Variants in CERS6 observed in about 807,000 individuals in gnomAD.
CERS6 encodes ceramide synthase 6.
In CERS6, 26 loss-of-function variants were observed where a neutral mutation model predicts 56.8. The observed-to-expected ratio is 0.46, with a 90% confidence interval of 0.34 to 0.63. The LOEUF (loss-of-function observed/expected upper bound fraction) is 0.63, where lower values mean the gene tolerates loss of function less well. CERS6 is among the 30% of genes least tolerant of loss of function. CERS6 has a pLI of 0.01. For synonymous variants in CERS6, 164 were observed against 173.3 expected, an observed-to-expected ratio of 0.95 and a Z score of 0.42; for missense variants, 415 against 467.5, an observed-to-expected ratio of 0.89 and a Z score of 1.04.
At chr2:168,582,489 G>T (rs1419922314) in intron 3 of CERS6, among the ~76,000 whole-genome samples, 1 of 151,982 alleles carries the variant, frequency 6.6e-6, no homozygotes, top group African/African-American at 2.4e-5. Flanking sequence ...AGAGCAAGGG[G>T]TTTGTCTGAC....
intron 3 of CERS6, among the ~76,000 whole-genome samples, chr2:168,565,580 T>A (rs1422074717): frequency 6.6e-6 from 1 of 152,256 alleles, no homozygotes; most frequent in East Asian, 1.9e-4. Flanking sequence ...TAATTGTATT[T>A]CATCTTTCAG....
intron 8 of CERS6, among the ~76,000 whole-genome samples, chr2:168,731,177 TAATTA>T (rs953114061): frequency 6.6e-6 from 1 of 152,180 alleles, no homozygotes; most frequent in African/African-American, 2.4e-5. Flanking sequence ...TGGTGTATGC[TAATTA>T]AATAGGGAAA....
intron 8 of CERS6, among the ~76,000 whole-genome samples, chr2:168,737,678 T>C (rs923448938): frequency 2.0e-5 from 3 of 152,222 alleles, no homozygotes; most frequent in Non-Finnish European, 4.4e-5. Context: ...TAAAGAAATA[T>C]AATGTGCATC....
intron 4 of CERS6, among the ~76,000 whole-genome samples, chr2:168,643,740 T>C (rs79402784): frequency 0.015 from 2,217 of 152,306 alleles, 40 homozygotes; most frequent in African/African-American, 0.04. Context: ...ATCTTCAAAA[T>C]CTATCACTCT....
At chr2:168,747,789 C>T (rs904613789) in intron 8 of CERS6, among the ~76,000 whole-genome samples, 4 of 151,792 alleles carry the variant, frequency 2.6e-5, no homozygotes, top group Admixed American at 6.6e-5. Flanking sequence ...TTGCACTCAC[C>T]GTTAGCCCTT....
At chr2:168,528,154 G>A (rs1156829246) in intron 1 of CERS6, among the ~76,000 whole-genome samples, 4 of 152,138 alleles carry the variant, frequency 2.6e-5, no homozygotes, top group Non-Finnish European at 4.4e-5. Flanking sequence ...TTAATTTTGA[G>A]GGACACATTC....
intron 1 of CERS6, among the ~76,000 whole-genome samples, chr2:168,519,565 G>T (rs138595294): frequency 6.6e-6 from 1 of 152,016 alleles, no homozygotes; most frequent in African/African-American, 2.4e-5. Context: ...TATGGTTCCC[G>T]TCTTTGTGTT....
chr2:168,766,846 T>G (rs73030438), intron 9 of CERS6, among the ~76,000 whole-genome samples: 1,884 of 152,318 alleles, frequency 0.012, 16 homozygotes, highest in African/African-American at 0.022. Flanking sequence ...GCAGGGGAAG[T>G]CGGGGCATCT....
At chr2:168,739,891 G>A (rs1683841852) in intron 8 of CERS6, among the ~76,000 whole-genome samples, 1 of 151,930 alleles carries the variant, frequency 6.6e-6, no homozygotes, top group Admixed American at 6.6e-5. Flanking sequence ...TGTATTTTTA[G>A]TAGAGATGGG....
At chr2:168,702,483 T>C (rs377377107) in intron 6 of CERS6, among the ~76,000 whole-genome samples, 3 of 152,202 alleles carry the variant, frequency 2.0e-5, no homozygotes, top group Admixed American at 6.5e-5. Context: ...AAGCAAAAAT[T>C]AGATTTTTGG....
Position 168,456,658 on chromosome 2 carries a change from A to ACACACACGCGCG in CERS6, c.170+48_170+59dup. The stretch of plus-strand genomic sequence containing the variant: ...AGCCCCTCCTCCCCTCCCCCTGCGC[A>ACACACACGCGCG]CACACACGCGCGCACACACTCGCGC... On this transcript the variant is annotated intron_variant, in intron 1 of 9. Transcript: ENST00000305747. This position sits in a 1 kb window ranked among gnomAD's most constrained non-coding sequence, Gnocchi z 4.1. The ACACACACGCGCG allele has an allele frequency of 6.4e-7, 1 of 1,570,212 alleles. No homozygotes were observed. The highest frequency in any genetic ancestry group is 8.7e-7 in the Non-Finnish European group (1 of 1,153,188).
intron 4 of CERS6, among the ~76,000 whole-genome samples, chr2:168,654,004 A>T (rs1685407903): frequency 6.6e-6 from 1 of 152,182 alleles, no homozygotes; most frequent in African/African-American, 2.4e-5. Flanking sequence ...ATGAATTTCA[A>T]AGTTGAAACT....
chr2:168,508,839 A>G lies in CERS6; in HGVS notation c.171-38757A>G, dbSNP rs1694727579. ...ACAAACCTGCACGTTCTGCACCTGT[A>G]TCCCAGAACTTAAAGTATAATAAAA... On this transcript the variant is annotated intron_variant, in intron 1 of 9. Coordinates refer to ENST00000305747, the MANE Select transcript of CERS6 (RefSeq NM_203463.3). Among the ~76,000 whole-genome samples, 13 of 152,320 alleles carry G rather than the reference A, an allele frequency of 8.5e-5. No homozygotes were observed. In the South Asian group the frequency reaches 2.7e-3, roughly 32 times the overall value.
At chr2:168,689,256 G>A (rs1333067506) in intron 4 of CERS6, among the ~76,000 whole-genome samples, 3 of 152,126 alleles carry the variant, frequency 2.0e-5, no homozygotes, top group African/African-American at 7.2e-5. Flanking sequence ...TTCAGTTGAG[G>A]AGATAATCAA....
intron 8 of CERS6, among the ~76,000 whole-genome samples, chr2:168,752,274 A>G (rs1574220500): frequency 2.0e-5 from 2 of 102,282 alleles, no homozygotes; most frequent in East Asian, 5.5e-4. Context: ...CTTTTAAAAA[A>G]ATAAATGTGT....
chr2:168,597,944 TCAGG>T (rs1683839312), intron 3 of CERS6, among the ~76,000 whole-genome samples: 1 of 152,222 alleles, frequency 6.6e-6, no homozygotes, highest in Non-Finnish European at 1.5e-5. Context: ...AAATGTTAAC[TCAGG>T]CCTTAGCACT....
Position 168,771,202 on chromosome 2 carries a change from G to A in CERS6, c.*1540G>A, listed in dbSNP as rs575150752. Reference sequence around the variant, plus strand: ...AACAAGCGTGCAGAAACACCAGAGAGTGCGTATCCTGCTCAGAACCATTCA... The same window carrying A: ...AACAAGCGTGCAGAAACACCAGAGAATGCGTATCCTGCTCAGAACCATTCA... On this transcript the variant is annotated 3_prime_UTR_variant, in exon 10 of 10. Coordinates refer to ENST00000305747, the MANE Select transcript of CERS6 (RefSeq NM_203463.3). 1 of 152,304 alleles carries A rather than the reference G, an allele frequency of 6.6e-6. No homozygotes were observed. Among genetic ancestry groups the A allele is most frequent in the East Asian group, 1.9e-4 (1 of 5,182 alleles). 9.4% of individuals were successfully genotyped at this position (152,304 alleles called of 1,614,324 possible).
intron 2 of CERS6, among the ~76,000 whole-genome samples, chr2:168,551,206 A>G (rs1053812407): frequency 1.3e-5 from 2 of 152,180 alleles, no homozygotes; most frequent in Non-Finnish European, 2.9e-5. Context: ...CCTTTGTGAA[A>G]TTATTAATAG....
At chr2:168,702,415 G>A (rs189324258) in intron 6 of CERS6, among the ~76,000 whole-genome samples, 12 of 152,178 alleles carry the variant, frequency 7.9e-5, no homozygotes, top group East Asian at 5.8e-4. Flanking sequence ...AGCTTGTCAC[G>A]TTGTTTCAAA....
Sources: gnomAD v4.1 joint callset for allele counts (sites outside exome capture counted in the v4.1 genomes callset) on GRCh38, gnomAD v4.1.1 for gene constraint, Gnocchi (gnomAD v3.1) non-coding constraint, MANE v1.5 for transcripts, NCBI Gene and HGNC (gene_info 2026-07-23, HGNC 2026-07-21) for gene names.